NF1: variants seen among roughly 807,000 people sequenced by gnomAD.
NF1 encodes neurofibromin 1.
In NF1, 122 loss-of-function variants were observed where a neutral mutation model predicts 325.7. The observed-to-expected ratio is 0.37, with a 90% CI of 0.32 to 0.44. The LOEUF (loss-of-function observed/expected upper bound fraction) is 0.44. Among genes scored for constraint, NF1 ranks in the 20% least tolerant of loss-of-function variants. NF1 has a pLI of 1.00. For synonymous variants in NF1, 1,091 were observed against 1,186.0 expected (o/e 0.92, Z 1.65); for missense variants, 2,140 against 3,415.4 (o/e 0.63, Z 9.31).
chr17:31,261,505 T>C (rs1457559205), intron 34 of NF1, among the ~76,000 whole-genome samples: 1 of 152,124 alleles, frequency 6.6e-6, no homozygotes. Context: ...GGGTAAGCAA[T>C]TGGGAGATGG....
chr17:31,211,426 G>A (rs1356670452), intron 12 of NF1, among the ~76,000 whole-genome samples: 1 of 152,172 alleles, frequency 6.6e-6, no homozygotes, highest in African/African-American at 2.4e-5. Flanking sequence ...GAATTTACAT[G>A]TTGATATTTG....
At chr17:31,226,202 G>T (rs2067008837) in intron 17 of NF1, among the ~76,000 whole-genome samples, 2 of 151,950 alleles carry the variant, frequency 1.3e-5, no homozygotes, top group Admixed American at 1.3e-4. Flanking sequence ...TTGAACAGAT[G>T]GTAGCATTAT....
chr17:31,265,095 T>G (rs930430112), intron 35 of NF1, 134 bp from the exon 36 acceptor site: 23 of 656,028 alleles, frequency 3.5e-5, no homozygotes, highest in Admixed American at 5.8e-5. Flanking sequence ...GTTGCCAAAT[T>G]ACCCTTTAGA....
At chr17:31,349,340 G>A (rs779912648) in intron 49 of NF1, 89 bp downstream of exon 49, 13 of 1,374,562 alleles carry the variant, frequency 9.5e-6, no homozygotes, top group African/African-American at 4.3e-5. Flanking sequence ...GTTTTTTGGC[G>A]GTTGCGTGGC....
intron 36 of NF1, among the ~76,000 whole-genome samples, chr17:31,284,881 G>T (rs901850217): frequency 3.3e-5 from 5 of 152,140 alleles, no homozygotes; most frequent in African/African-American, 1.2e-4. Context: ...ATCACATTAG[G>T]AGGCCGAGGT....
intron 8 of NF1, among the ~76,000 whole-genome samples, chr17:31,186,518 G>A (rs1374273193): frequency 1.3e-5 from 2 of 152,222 alleles, no homozygotes; most frequent in African/African-American, 4.8e-5. Context: ...GCTGGAGCCA[G>A]TGGTTTGGCT....
intron 51 of NF1, among the ~76,000 whole-genome samples, chr17:31,354,660 G>T (rs1373896750): frequency 6.6e-6 from 1 of 152,096 alleles, no homozygotes; most frequent in Non-Finnish European, 1.5e-5. Context: ...AAAAAAAATG[G>T]TGTGGGCCCC....
rs2151581352 is a variant in NF1, at chr17:31,356,570, G to A, written c.7726G>A (p.Asp2576Asn). ...CAAAATGAGGAGAGTAGCAGAAACT[G>A]ATTATGAAATGGGTGAGAAACAAAG... ...PPKMRRVAET[D>N]YEMETQRISS... The change falls in exon 52 of 58, where the codon GAT (aspartate) becomes AAT (asparagine). Residue 2576 changes from aspartate to asparagine, a missense_variant. Asp to Asn is a conservative substitution (Grantham distance 23, BLOSUM62 1). Transcript: ENST00000358273. 1 of 1,613,694 alleles carries A rather than the reference G, an allele frequency of 6.2e-7. No homozygotes were observed. Among genetic ancestry groups the A allele is most frequent in the South Asian group, 1.1e-5 (1 of 91,076 alleles).
At chr17:31,162,673 A>C (rs754935129) in intron 3 of NF1, among the ~76,000 whole-genome samples, 4 of 152,222 alleles carry the variant, frequency 2.6e-5, no homozygotes, top group Non-Finnish European at 5.9e-5. Context: ...GGGGTGAAGT[A>C]TTCTATTTAT....
At chr17:31,337,633 T>C in intron 43 of NF1, 51 bp downstream of exon 43, 1 of 1,529,646 alleles carries the variant, frequency 6.5e-7, no homozygotes. Context: ...TTTTTAAAAA[T>C]ATGTTAATAC....
chr17:31,188,139 C>T (rs2066275595), intron 8 of NF1, among the ~76,000 whole-genome samples: 1 of 152,254 alleles, frequency 6.6e-6, no homozygotes, highest in African/African-American at 2.4e-5. Context: ...AGGTTTGGGT[C>T]ACTCTACCAG....
At chr17:31,165,581 T>A (rs1162016819) in intron 4 of NF1, among the ~76,000 whole-genome samples, 3 of 152,198 alleles carry the variant, frequency 2.0e-5, no homozygotes, top group Admixed American at 6.6e-5. Context: ...ATCATGAAGA[T>A]GTTTCGTGTT....
At chr17:31,361,869 C>A (rs1400637159) in intron 57 of NF1, among the ~76,000 whole-genome samples, 1 of 152,190 alleles carries the variant, frequency 6.6e-6, no homozygotes, top group Non-Finnish European at 1.5e-5. Flanking sequence ...TGCTTAACAA[C>A]AAAGCTTTGG....
intron 1 of NF1, among the ~76,000 whole-genome samples, chr17:31,127,127 A>T (rs1156522782): frequency 6.7e-6 from 1 of 149,286 alleles, no homozygotes; most frequent in Non-Finnish European, 1.5e-5. Flanking sequence ...CAGTTTCTAG[A>T]CTCTCAGTTC....
At chr17:31,295,323 C>T in intron 36 of NF1, 1 of 1,614,108 alleles carries the variant, frequency 6.2e-7, no homozygotes, top group Non-Finnish European at 8.5e-7. Context: ...GTGGATGTAT[C>T]TTCTGGATAG....
chr17:31,269,351 G>A lies in NF1; in HGVS notation c.4835+4012G>A, dbSNP rs560445987. ...TACTTATGCTCTTGCCCTGTGGTAA[G>A]GTAGCATAATACAAGGACATTGTTG... On this transcript the variant is annotated intron_variant, in intron 36 of 57. Coordinates refer to ENST00000358273, the MANE Select transcript of NF1 (RefSeq NM_001042492.3). Among the ~76,000 whole-genome samples the A allele has an allele frequency of 2.4e-3, 361 of 152,260 alleles. 1 individual carries two copies. Among genetic ancestry groups the A allele is most frequent in the Middle Eastern group, 0.02 (6 of 294 alleles).
intron 36 of NF1, among the ~76,000 whole-genome samples, chr17:31,284,936 A>G (rs2068195874): frequency 6.6e-6 from 1 of 152,096 alleles, no homozygotes; most frequent in Non-Finnish European, 1.5e-5. Flanking sequence ...GCCTGCCAAC[A>G]TGGCAAAACC....
intron 55 of NF1, 122 bp downstream of exon 55, chr17:31,358,744 T>G (rs146955339): frequency 3.7e-5 from 50 of 1,363,328 alleles, no homozygotes; most frequent in Non-Finnish European, 5.1e-5. Context: ...TATTTCCATA[T>G]TCCATTTTTT....
intron 57 of NF1, 133 bp downstream of exon 57, chr17:31,360,836 C>G: frequency 1.3e-6 from 1 of 779,378 alleles, no homozygotes; most frequent in Non-Finnish European, 2.2e-6. Flanking sequence ...TCTTCTTTAC[C>G]TTGTAACTGA....
Sources: allele counts gnomAD v4.1 joint callset (sites outside exome capture counted in the v4.1 genomes callset), GRCh38; gene constraint gnomAD v4.1.1; transcripts MANE v1.5; gene names NCBI Gene and HGNC (gene_info 2026-07-23, HGNC 2026-07-21).